Variants in HS3ST1 observed in about 807,000 individuals in gnomAD.
The protein encoded by HS3ST1 is heparan sulfate-glucosamine 3-sulfotransferase 1, also known as heparan sulfate glucosamine 3-O-sulfotransferase 1.
Under a neutral mutation model 20.7 loss-of-function variants are expected in HS3ST1, and 8 were observed. The ratio of observed to expected loss-of-function variants is 0.39; its 90% CI spans 0.23 to 0.70. HS3ST1 has a LOEUF of 0.70. Ranked by LOEUF, HS3ST1 falls within the 30% of genes least tolerant of loss-of-function variation. The pLI is 0.46. For synonymous variants in HS3ST1, 205 were observed against 190.4 expected (o/e 1.08, Z -0.63); for missense variants, 436 against 423.4 (o/e 1.03, Z -0.26).
upstream of HS3ST1, among the ~76,000 whole-genome samples, chr4:11,431,795 C>T (rs1427499117): frequency 2.0e-5 from 3 of 152,156 alleles, no homozygotes; most frequent in South Asian, 2.1e-4. Flanking sequence ...GTGCCAGGTA[C>T]TATGCAAAAT....
intron 1 of HS3ST1, among the ~76,000 whole-genome samples, chr4:11,427,751 G>A (rs1307710662): frequency 6.6e-6 from 1 of 152,178 alleles, no homozygotes; most frequent in African/African-American, 2.4e-5. Context: ...TAACTGCAGA[G>A]TTATAGACCT....
At chr4:11,430,994 C>G (rs1391974228), upstream of HS3ST1, among the ~76,000 whole-genome samples, 1 of 152,210 alleles carries the variant, frequency 6.6e-6, no homozygotes, top group Non-Finnish European at 1.5e-5. Context: ...AAATAGCTCT[C>G]CCTGAAGTCT....
chr4:11,404,941 G>T (rs907002847), intron 1 of HS3ST1, among the ~76,000 whole-genome samples: 5 of 152,242 alleles, frequency 3.3e-5, no homozygotes, highest in Non-Finnish European at 7.3e-5. Context: ...GAGAAATGAA[G>T]TCTTGTGTCT....
chr4:11,421,633 A>C (rs1184698820), intron 1 of HS3ST1, among the ~76,000 whole-genome samples: 3 of 152,234 alleles, frequency 2.0e-5, no homozygotes, highest in Admixed American at 6.5e-5. Flanking sequence ...AGGGTGTACA[A>C]GTACTTCATC....
At chr4:11,427,847 T>TA (rs1719100194) in intron 1 of HS3ST1, among the ~76,000 whole-genome samples, 1 of 152,228 alleles carries the variant, frequency 6.6e-6, no homozygotes, top group Non-Finnish European at 1.5e-5. Flanking sequence ...GCCTACGTTC[T>TA]GGGTCTGTCC....
chr4:11,409,743 T>G (rs954349036), intron 1 of HS3ST1, among the ~76,000 whole-genome samples: 6 of 152,236 alleles, frequency 3.9e-5, no homozygotes, highest in African/African-American at 1.4e-4. Flanking sequence ...CAAAACTGTT[T>G]GGCTGGGACT....
intron 1 of HS3ST1, among the ~76,000 whole-genome samples, chr4:11,425,527 G>A (rs1337327449): frequency 1.3e-5 from 2 of 152,206 alleles, no homozygotes; most frequent in Non-Finnish European, 2.9e-5. Context: ...CCCGGTGCTT[G>A]TAGCATTCAG....
intron 1 of HS3ST1, among the ~76,000 whole-genome samples, chr4:11,416,640 G>T (rs1718789802): frequency 6.6e-6 from 1 of 152,168 alleles, no homozygotes; most frequent in African/African-American, 2.4e-5. Context: ...GACGGAGCAG[G>T]TACTCTCCGG....
At chr4:11,410,463 A>G (rs9999523) in intron 1 of HS3ST1, among the ~76,000 whole-genome samples, 21,138 of 152,226 alleles carry the variant, frequency 0.14, 1,640 homozygotes, top group African/African-American at 0.2. Context: ...GAAAAAGCCA[A>G]ATGGGGTACA....
intron 1 of HS3ST1, among the ~76,000 whole-genome samples, chr4:11,426,862 T>G (rs1719073885): frequency 6.6e-6 from 1 of 152,252 alleles, no homozygotes; most frequent in Non-Finnish European, 1.5e-5. Context: ...AATATGTTAT[T>G]TCTGCAATCC....
intron 1 of HS3ST1, among the ~76,000 whole-genome samples, chr4:11,423,129 CT>C (rs1718980362): frequency 6.7e-6 from 1 of 150,324 alleles, no homozygotes; most frequent in Non-Finnish European, 1.5e-5. Flanking sequence ...CTGTAGTTGC[CT>C]AATCATTTGA....
chr4:11,418,981 G>C (rs1468797038), intron 1 of HS3ST1, among the ~76,000 whole-genome samples: 2 of 152,042 alleles, frequency 1.3e-5, no homozygotes, highest in Non-Finnish European at 2.9e-5. Flanking sequence ...GCTGAGGCAG[G>C]GAGAGGGAGT....
rs1718233029 is a variant in HS3ST1 at position 11,399,172 on chromosome 4, A to T, written c.834T>A (p.Asp278Glu). 4 of 1,614,024 alleles carry T rather than the reference A, an allele frequency of 2.5e-6. No individual in the cohort carries two copies. Among genetic ancestry groups the T allele is most frequent in the Non-Finnish European group, 3.4e-6 (4 of 1,180,042 alleles). Reference sequence around the variant, plus strand: ...CGTGCAGTTTATTGAGTAGTTTGGGATCGACTTGGGGGTGCGCCCGGCCTT... The same window carrying T: ...CGTGCAGTTTATTGAGTAGTTTGGGTTCGACTTGGGGGTGCGCCCGGCCTT... ...ESKGRAHPQV[D>E]PKLLNKLHEY... is the part of the protein sequence containing the mutation. Residue 278 changes from aspartate to glutamate, a missense_variant, in exon 2 of 2, where the codon GAT becomes GAA. Physicochemically the swap from Asp to Glu is conservative, Grantham distance 45. Coordinates refer to ENST00000002596, the MANE Select transcript of HS3ST1 (RefSeq NM_005114.4). This position sits in a 1 kb window ranked among gnomAD's most constrained non-coding sequence, Gnocchi z 5.1.
intron 1 of HS3ST1, among the ~76,000 whole-genome samples, chr4:11,422,420 G>GT (rs1469731541): frequency 2.0e-5 from 3 of 152,134 alleles, no homozygotes; most frequent in Non-Finnish European, 4.4e-5. Flanking sequence ...AGCCAATCCA[G>GT]TAACAAGGTG....
rs555273547 is a variant in HS3ST1, at chr4:11,397,904, A to G, written c.*1178T>C. The G allele has an allele frequency of 6.6e-6, 1 of 152,348 alleles. No homozygotes were observed. Among genetic ancestry groups the G allele is most frequent in the East Asian group, 1.9e-4 (1 of 5,184 alleles). 9.4% of individuals were successfully genotyped at this position (152,348 alleles called of 1,614,324 possible). On this transcript the variant is annotated 3_prime_UTR_variant, in exon 2 of 2. Transcript: ENST00000002596. ...AAAAGGCTGACTGCATGAAGAATGC[A>G]TGAAAAAACTGAGGATAAGAAGGGT...
At position 11,393,679 on chromosome 4, in the gene HS3ST1, CT is replaced by C. The variant is rs1302410941; in HGVS notation, c.*5402del. On this transcript the variant is annotated 3_prime_UTR_variant, in exon 2 of 2. Coordinates refer to ENST00000002596, the MANE Select transcript of HS3ST1 (RefSeq NM_005114.4). ...AGGAGAAGTCTAGCCTCAGCCTGAT[CT>C]CACGAGGAGCTCTGAGCATGAGTTG... 1 of 152,256 alleles carries C rather than the reference CT, an allele frequency of 6.6e-6. No homozygotes were observed. Among genetic ancestry groups the C allele is most frequent in the Admixed American group, 6.5e-5 (1 of 15,292 alleles). The allele number at this position is 152,256 out of a possible 1,614,324, so 9.4% of individuals were successfully genotyped here. A position where few individuals can be genotyped will look rare whatever the true frequency, so the allele number is the denominator to read the frequency against.
At position 11,394,661 on chromosome 4, in the gene HS3ST1, A is replaced by G. The variant is rs148274045; in HGVS notation, c.*4421T>C. On this transcript the variant is annotated 3_prime_UTR_variant, in exon 2 of 2. Coordinates refer to ENST00000002596, the MANE Select transcript of HS3ST1 (RefSeq NM_005114.4). ...ATAATTTCCCTTACAGGCTCTGCCT[A>G]ATAGACAGATGCATATGCTTTATAT... The G allele has an allele frequency of 6.6e-6, 1 of 152,332 alleles. No individual in the cohort carries two copies. The highest frequency in any genetic ancestry group is 2.4e-5 in the African/African-American group (1 of 41,586). 9.4% of individuals were successfully genotyped at this position (152,332 alleles called of 1,614,324 possible).
chr4:11,432,616 A>G (rs1719226873), upstream of HS3ST1, among the ~76,000 whole-genome samples: 1 of 152,250 alleles, frequency 6.6e-6, no homozygotes. Context: ...GGGTAGAGGG[A>G]AGGGCGTTGG....
chr4:11,413,806 A>AT (rs1312197008), intron 1 of HS3ST1, among the ~76,000 whole-genome samples: 9 of 152,128 alleles, frequency 5.9e-5, no homozygotes, highest in Non-Finnish European at 1.2e-4. Context: ...CATGAAAACC[A>AT]TTTTGGTCTT....
Sources: allele counts gnomAD v4.1 joint callset (sites outside exome capture counted in the v4.1 genomes callset), GRCh38; gene constraint gnomAD v4.1.1; non-coding constraint Gnocchi (gnomAD v3.1); transcripts MANE v1.5; gene names NCBI Gene and HGNC (gene_info 2026-07-23, HGNC 2026-07-21).